PCDHGA7: variants seen among roughly 807,000 people sequenced by gnomAD.
PCDHGA7 encodes protocadherin gamma subfamily A, 7.
In PCDHGA7, 44 loss-of-function variants were observed where a neutral mutation model predicts 58.3. That is an observed-to-expected ratio of 0.75 (90% confidence interval 0.59 to 0.97). The LOEUF (loss-of-function observed/expected upper bound fraction) is 0.97, where lower values mean the gene tolerates loss of function less well. PCDHGA7 is among the 50% of genes least tolerant of loss of function. The pLI is 0.00. For missense variants in PCDHGA7, 1,266 were observed against 1,188.7 expected (o/e 1.06, Z -0.96); for synonymous variants, 516 against 504.2 (o/e 1.02, Z -0.31).
At chr5:141,410,124 G>T in intron 1 of PCDHGA7, 1 of 1,612,726 alleles carries the variant, frequency 6.2e-7, no homozygotes, top group South Asian at 1.1e-5. Flanking sequence ...GCCCGCCAGC[G>T]CCTGCTGGTC....
chr5:141,403,759 G>A (rs900084263), intron 1 of PCDHGA7: 2 of 1,613,794 alleles, frequency 1.2e-6, no homozygotes, highest in Non-Finnish European at 1.7e-6. Flanking sequence ...CCAGCGACCT[G>A]GATGAGGGAA....
At position 141,383,656 on chromosome 5, in the gene PCDHGA7, G is replaced by C; in HGVS notation, c.757G>C (p.Glu253Gln). 2 of 1,614,008 alleles carry C rather than the reference G, an allele frequency of 1.2e-6. No homozygotes were observed. Among genetic ancestry groups the C allele is most frequent in the South Asian group, 1.1e-5 (1 of 91,086 alleles). The change falls in exon 1 of 4, where the codon GAG becomes CAG. Residue 253 changes from glutamate (E) to glutamine (Q), a missense_variant. Glu to Gln is a conservative substitution (Grantham distance 29). Coordinates refer to ENST00000518325, the MANE Select transcript of PCDHGA7 (RefSeq NM_018920.4). ...GCCTCAGTACCAAGTAACTGTCCCC[G>C]AGAATGTGCCAGTGGGTACAAGACT... ...SLPQYQVTVPENVPVGTRLLT... is the reference protein window; with the variant it reads ...SLPQYQVTVPQNVPVGTRLLT...
chr5:141,429,760 C>T (rs1036499079), intron 1 of PCDHGA7, among the ~76,000 whole-genome samples: 2 of 152,020 alleles, frequency 1.3e-5, no homozygotes, highest in Non-Finnish European at 2.9e-5. Context: ...AATTTTTTCC[C>T]TATATTTTGA....
intron 1 of PCDHGA7, among the ~76,000 whole-genome samples, chr5:141,464,557 C>A (rs1342964264): frequency 6.6e-6 from 1 of 152,132 alleles, no homozygotes; most frequent in Non-Finnish European, 1.5e-5. Context: ...CCCCATCTTG[C>A]ATTCCTACAA....
chr5:141,486,504 A>G lies in PCDHGA7; in HGVS notation c.2425-8303A>G. ...AGTACCCACAGAACTATTTTCCTCA[A>G]TATTTCAGATGTGAATGATAATCCA... On this transcript the variant is annotated intron_variant, in intron 1 of 3. Transcript: ENST00000518325. The surrounding 1 kb of genome is among the most constrained non-coding windows in gnomAD (Gnocchi z 5.0). 7.4e-6 allele frequency: 12 copies of G among 1,614,100 alleles called. No individual in the cohort carries two copies. Among genetic ancestry groups the G allele is most frequent in the Non-Finnish European group, 1.0e-5 (12 of 1,179,986 alleles).
chr5:141,435,066 G>A (rs936110088), intron 1 of PCDHGA7, among the ~76,000 whole-genome samples: 3 of 151,920 alleles, frequency 2.0e-5, no homozygotes, highest in African/African-American at 7.3e-5. Context: ...GCAGTTTTGT[G>A]TAGACCGTCT....
At chr5:141,389,596 C>T (rs768865727) in intron 1 of PCDHGA7, 2 of 1,613,132 alleles carry the variant, frequency 1.2e-6, no homozygotes, top group Non-Finnish European at 1.7e-6. Context: ...GACGGCTCTG[C>T]GCTCTTCGAT....
chr5:141,491,438 G>T lies in PCDHGA7; in HGVS notation c.2425-3369G>T, dbSNP rs376927300. 3.7e-6 allele frequency: 6 copies of T among 1,613,948 alleles called. No homozygotes were observed. The African/African-American group carries it at 4.0e-5, about 11-fold the overall frequency. ...GGGGGTGGAGGGCAGTGCTGCAGGCGCCAGGACTCACCCTCCCCGGACTTC... is the reference window on the plus strand; with the variant it reads ...GGGGGTGGAGGGCAGTGCTGCAGGCTCCAGGACTCACCCTCCCCGGACTTC... On this transcript the variant is annotated intron_variant, in intron 1 of 3. Transcript: ENST00000518325. The surrounding 1 kb of genome is among the most constrained non-coding windows in gnomAD (Gnocchi z 6.9).
At chr5:141,438,957 C>T (rs1292059651) in intron 1 of PCDHGA7, among the ~76,000 whole-genome samples, 1 of 152,026 alleles carries the variant, frequency 6.6e-6, no homozygotes, top group Non-Finnish European at 1.5e-5. Context: ...TGAGCCACCG[C>T]ACCCTGCCAA....
intron 1 of PCDHGA7, chr5:141,395,051 A>G: frequency 6.2e-7 from 1 of 1,614,178 alleles, no homozygotes; most frequent in Non-Finnish European, 8.5e-7. Flanking sequence ...TTGAGGAGGT[A>G]CAGGCTTTCC....
rs114533608 is a variant in PCDHGA7, at chr5:141,384,753, G to T, written c.1854G>T (p.Ala618=). 2 of 1,614,010 alleles carry T rather than the reference G, an allele frequency of 1.2e-6. No individual in the cohort carries two copies. The highest frequency in any genetic ancestry group is 1.3e-5 in the African/African-American group (1 of 75,052). The change falls in exon 1 of 4, where the codon GCG becomes GCT. Residue 618 remains alanine, a synonymous_variant. Coordinates refer to ENST00000518325, the MANE Select transcript of PCDHGA7 (RefSeq NM_018920.4). ...LLKASEPGLF[A]VGLYTGEVRT... Reference sequence around the variant, plus strand: ...AGGCCAGCGAGCCAGGACTCTTTGCGGTTGGGCTGTACACGGGCGAGGTGC... The same window carrying T: ...AGGCCAGCGAGCCAGGACTCTTTGCTGTTGGGCTGTACACGGGCGAGGTGC...
intron 1 of PCDHGA7, chr5:141,395,539 TG>T: frequency 9.6e-6 from 2 of 208,432 alleles, no homozygotes; most frequent in Non-Finnish European, 1.6e-5. Flanking sequence ...ATTTTGCTAT[TG>T]TTTGTGTGTG....
rs1588983120 is a variant in PCDHGA7, at chr5:141,384,896, A to G, written c.1997A>G (p.Asp666Gly). 2 of 1,613,766 alleles carry G rather than the reference A, an allele frequency of 1.2e-6. No individual in the cohort carries two copies. Among genetic ancestry groups the G allele is most frequent in the African/African-American group, 1.3e-5 (1 of 75,000 alleles). The change falls in exon 1 of 4, where the codon GAC (aspartate) becomes GGC (glycine). Residue 666 changes from aspartate to glycine, a missense_variant. Transcript: ENST00000518325. ...ATVTLTVAVA[D>G]SIPEVLADLG... is the part of the protein sequence containing the mutation. ...GTCACACTCACCGTGGCTGTGGCTG[A>G]CAGCATCCCCGAAGTCTTGGCCGAC...
intron 1 of PCDHGA7, among the ~76,000 whole-genome samples, chr5:141,450,503 T>G (rs1196541899): frequency 3.3e-5 from 5 of 152,258 alleles, no homozygotes; most frequent in Admixed American, 6.5e-5. Context: ...TTGTTTGTTT[T>G]GAGATGGAGT....
In PCDHGA7 at chr5:141,489,201, G is replaced by A. The variant is rs757039294; in HGVS notation, c.2425-5606G>A. ...AGCCCTGGGTCTACCTTGGAGACAG[G>A]ACAGCACAGACTTACTCTCCACAAA... On this transcript the variant is annotated intron_variant, in intron 1 of 3. Coordinates refer to ENST00000518325, the MANE Select transcript of PCDHGA7 (RefSeq NM_018920.4). This position sits in a 1 kb window ranked among gnomAD's most constrained non-coding sequence, Gnocchi z 4.5. The A allele has an allele frequency of 7.8e-6, 11 of 1,416,092 alleles. No individual in the cohort carries two copies. In the African/African-American group the frequency reaches 1.3e-4, roughly 17 times the overall value. 87.7% of individuals were successfully genotyped at this position (1,416,092 alleles called of 1,614,324 possible).
chr5:141,432,090 A>T lies in PCDHGA7; in HGVS notation c.2424+46767A>T. 1 of 1,614,164 alleles carries T rather than the reference A, an allele frequency of 6.2e-7. No homozygotes were observed. Among genetic ancestry groups the T allele is most frequent in the Non-Finnish European group, 8.5e-7 (1 of 1,180,034 alleles). On this transcript the variant is annotated intron_variant, in intron 1 of 3. Transcript: ENST00000518325. The surrounding 1 kb of genome is among the most constrained non-coding windows in gnomAD (Gnocchi z 6.0). ...ACTCATATCTCGCTGAACGTGGCAG[A>T]CACCAACGACAACCCGCCGGTCTTC... is the stretch of plus-strand genomic sequence containing the variant.
intron 2 of PCDHGA7, among the ~76,000 whole-genome samples, chr5:141,495,700 T>A (rs2099763052): frequency 6.6e-6 from 1 of 152,228 alleles, no homozygotes; most frequent in Non-Finnish European, 1.5e-5. Flanking sequence ...GCTCAATAAA[T>A]GTGGAGTGAG....
At chr5:141,484,506 G>T (rs1442936814) in intron 1 of PCDHGA7, among the ~76,000 whole-genome samples, 1 of 152,186 alleles carries the variant, frequency 6.6e-6, no homozygotes, top group Non-Finnish European at 1.5e-5. Context: ...TGAATATTCT[G>T]CAGAAGGGCA....
At chr5:141,426,882 C>A (rs528411309) in intron 1 of PCDHGA7, 1 of 456,664 alleles carries the variant, frequency 2.2e-6, no homozygotes, top group African/African-American at 2.0e-5. Context: ...GCCCCTGGGC[C>A]AGGAGCAACA....
Sources: gnomAD v4.1 joint callset for allele counts (sites outside exome capture counted in the v4.1 genomes callset) on GRCh38, gnomAD v4.1.1 for gene constraint, Gnocchi (gnomAD v3.1) non-coding constraint, MANE v1.5 for transcripts, NCBI Gene and HGNC (gene_info 2026-07-23, HGNC 2026-07-21) for gene names.